The following ST7 variants were observed in gnomAD, a reference collection of about 807,000 sequenced individuals.
ST7 encodes the protein suppressor of tumorigenicity 7 protein.
Under a neutral mutation model 78.7 loss-of-function variants are expected in ST7, and 28 were observed. The observed-to-expected ratio is 0.36, with a 90% CI of 0.26 to 0.49. The LOEUF is 0.49. Among genes scored for constraint, ST7 ranks in the 20% least tolerant of loss-of-function variants. The pLI is 0.99. For synonymous variants in ST7, 247 were observed against 249.6 expected, an observed-to-expected ratio of 0.99 and a Z score of 0.10; for missense variants, 418 against 696.0, an observed-to-expected ratio of 0.60 and a Z score of 4.49.
chr7:116,995,916 G>C (rs1794629615), intron 1 of ST7, among the ~76,000 whole-genome samples: 1 of 152,152 alleles, frequency 6.6e-6, no homozygotes, highest in Non-Finnish European at 1.5e-5. Flanking sequence ...GTTTGAGCTA[G>C]ATATGACCTG....
intron 10 of ST7, among the ~76,000 whole-genome samples, chr7:117,177,386 ATGTTGGGTTTGGTAATCCT>A (rs1294618114): frequency 6.6e-6 from 1 of 152,172 alleles, no homozygotes; most frequent in Non-Finnish European, 1.5e-5. Context: ...CTCCAAATTT[ATGTTGGGTTTGGTAATCCT>A]TATTGCCCAG....
chr7:117,137,660 A>G (rs994280624), intron 8 of ST7, among the ~76,000 whole-genome samples: 10 of 152,182 alleles, frequency 6.6e-5, no homozygotes, highest in Admixed American at 5.2e-4. Flanking sequence ...ATAGCTGCAT[A>G]TTATACATGT....
chr7:117,007,765 T>C (rs1309444207), intron 1 of ST7, among the ~76,000 whole-genome samples: 1 of 152,214 alleles, frequency 6.6e-6, no homozygotes, highest in African/African-American at 2.4e-5. Context: ...TCAGAATTCT[T>C]TTCATTTTAC....
At chr7:117,161,278 A>T in intron 9 of ST7, among the ~76,000 whole-genome samples, 1 of 152,122 alleles carries the variant, frequency 6.6e-6, no homozygotes. Context: ...TGTCACAAAC[A>T]CCCTATTTTT....
intron 1 of ST7, among the ~76,000 whole-genome samples, chr7:117,003,595 A>G (rs1354098591): frequency 6.6e-6 from 1 of 151,714 alleles, no homozygotes; most frequent in African/African-American, 2.4e-5. Flanking sequence ...ATGCCTGGCT[A>G]ATTTTTGTAT....
intron 1 of ST7, among the ~76,000 whole-genome samples, chr7:116,993,165 T>G (rs1472308014): frequency 9.2e-5 from 14 of 152,202 alleles, no homozygotes; most frequent in Admixed American, 9.2e-4. Flanking sequence ...CACTTCCACA[T>G]TTTCAGGTAT....
chr7:117,098,960 C>T (rs925855605), intron 1 of ST7: 39 of 573,832 alleles, frequency 6.8e-5, no homozygotes, highest in Non-Finnish European at 9.2e-5. Context: ...TGGGTATGAA[C>T]AGAGTGGTCA....
chr7:116,985,915 C>T (rs1794169397), intron 1 of ST7, among the ~76,000 whole-genome samples: 1 of 152,180 alleles, frequency 6.6e-6, no homozygotes, highest in Non-Finnish European at 1.5e-5. Context: ...TCATTGCAAC[C>T]TCCGCCTCCC....
At chr7:117,173,929 G>A (rs1257652501) in intron 10 of ST7, among the ~76,000 whole-genome samples, 1 of 151,746 alleles carries the variant, frequency 6.6e-6, no homozygotes, top group African/African-American at 2.4e-5. Context: ...CAGGGATGGG[G>A]GTGTCGAAGA....
At chr7:117,162,591 G>A (rs1563133197) in intron 9 of ST7, among the ~76,000 whole-genome samples, 2 of 151,628 alleles carry the variant, frequency 1.3e-5, no homozygotes. Context: ...ACAGTCTCTA[G>A]GGGATGTAGC....
At chr7:117,133,377 C>A (rs892818587) in intron 6 of ST7, among the ~76,000 whole-genome samples, 5 of 151,756 alleles carry the variant, frequency 3.3e-5, no homozygotes, top group African/African-American at 1.2e-4. Context: ...TAGAATGGAT[C>A]AATTATTTGC....
intron 12 of ST7, 107 bp downstream of exon 12, chr7:117,191,043 A>G (rs1584555274): frequency 9.0e-6 from 8 of 885,220 alleles, no homozygotes; most frequent in Non-Finnish European, 1.4e-5. Flanking sequence ...ATGAATTGCA[A>G]CCAACAAATG....
intron 1 of ST7, among the ~76,000 whole-genome samples, chr7:117,068,607 T>C (rs1798760301): frequency 6.6e-6 from 1 of 152,252 alleles, no homozygotes; most frequent in Admixed American, 6.5e-5. Flanking sequence ...GTCTTCCTTT[T>C]AGTGACTAAA....
chr7:117,160,248 A>G (rs1265044309), intron 9 of ST7, among the ~76,000 whole-genome samples: 1 of 119,156 alleles, frequency 8.4e-6, no homozygotes, highest in Non-Finnish European at 1.6e-5. Flanking sequence ...AAAAAAAAAG[A>G]AAGAAAGAAA....
intron 1 of ST7, among the ~76,000 whole-genome samples, chr7:116,984,773 C>T (rs1794121679): frequency 6.6e-6 from 1 of 152,174 alleles, no homozygotes; most frequent in South Asian, 2.1e-4. Flanking sequence ...CTTTCCTCTA[C>T]TATGGGTTTA....
In ST7 at chr7:117,219,144, G is replaced by C; in HGVS notation, c.1466G>C (p.Cys489Ser). The C allele has an allele frequency of 6.2e-6, 10 of 1,613,232 alleles. No individual in the cohort carries two copies. Among genetic ancestry groups the C allele is most frequent in the Non-Finnish European group, 8.5e-6 (10 of 1,179,694 alleles). ...CACCTATTTTATCCTTACCCAATCT[G>C]TACAGAAACAGCAGACCGAGAGCTG... Reference protein sequence around the residue: ...KGHLFYPYPICTETADRELLP... With the variant: ...KGHLFYPYPISTETADRELLP... The change falls in exon 14 of 16, where the codon TGT (cysteine) becomes TCT (serine). Residue 489 changes from cysteine to serine, a missense_variant. Transcript: ENST00000323984. The surrounding 1 kb of genome is among the most constrained non-coding windows in gnomAD (Gnocchi z 5.1).
chr7:117,218,106 G>A (rs1404383272), intron 13 of ST7, among the ~76,000 whole-genome samples: 2 of 152,202 alleles, frequency 1.3e-5, no homozygotes, highest in Non-Finnish European at 2.9e-5. Context: ...CACAGCTGAG[G>A]ATGTAGCTAT....
chr7:117,043,094 G>A (rs1014003498), intron 1 of ST7, among the ~76,000 whole-genome samples: 7 of 152,012 alleles, frequency 4.6e-5, no homozygotes, highest in African/African-American at 1.7e-4. Flanking sequence ...AATCCATAAA[G>A]GATTAAATAG....
chr7:117,031,830 ATATCTATATCTATATCTATATCTATATC>A lies in ST7; in HGVS notation c.152-67924_152-67897del, dbSNP rs1455629574. ...TATATATATGCATATATCTATATCT[ATATCTATATCTATATCTATATCTATATC>A]TATCTATCTATCTATATATATATAT... On this transcript the variant is annotated intron_variant, in intron 1 of 15. Transcript: ENST00000323984. 2.2e-3 allele frequency among the ~76,000 whole-genome samples: 225 copies of A among 100,482 alleles called. 29 individuals are homozygous for A. In the East Asian group the frequency reaches 0.023, roughly 10 times the overall value. The allele number at this position is 100,482 out of a possible 152,430, so 65.9% of individuals were successfully genotyped here.
Sources: gnomAD v4.1 joint callset for allele counts (sites outside exome capture counted in the v4.1 genomes callset) on GRCh38, gnomAD v4.1.1 for gene constraint, Gnocchi (gnomAD v3.1) non-coding constraint, MANE v1.5 for transcripts, NCBI Gene and HGNC (gene_info 2026-07-23, HGNC 2026-07-21) for gene names.